The following LYPLAL1 variants were observed in gnomAD, a reference collection of about 807,000 sequenced individuals.
The protein encoded by LYPLAL1 is lysophospholipase like 1.
A neutral mutation model predicts 19.7 loss-of-function variants in LYPLAL1; 23 were observed. The observed-to-expected ratio is 1.17, with a 90% CI of 0.84 to 1.65. LYPLAL1 has a LOEUF of 1.65. LYPLAL1 is among the 40% of genes most tolerant of loss of function. The probability of loss-of-function intolerance (pLI) is 0.00; values close to 1 mark genes in which losing one functional copy is unlikely to be tolerated. For missense variants in LYPLAL1, 355 were observed against 279.4 expected (o/e 1.27, Z -1.93); for synonymous variants, 119 against 96.3 (o/e 1.24, Z -1.38).
chr1:219,175,052 A>G lies in LYPLAL1; in HGVS notation c.91+1071A>G, dbSNP rs184740781. 9.4e-3 allele frequency: 9,266 copies of G among 985,268 alleles called. 49 individuals carry two copies. Among genetic ancestry groups the G allele is most frequent in the South Asian group, 0.021 (456 of 21,268 alleles). 61.0% of individuals were successfully genotyped at this position (985,268 alleles called of 1,614,324 possible). Reference sequence around the variant, plus strand: ...TTAAATGGGACGGTGATTGGAAGGGAATTGGAAAGGTACTGGGCAGAGACC... The same window carrying G: ...TTAAATGGGACGGTGATTGGAAGGGGATTGGAAAGGTACTGGGCAGAGACC... On this transcript the variant is annotated intron_variant, in intron 1 of 4. Transcript: ENST00000366928.
chr1:219,183,543 G>A (rs1233912151), intron 2 of LYPLAL1, among the ~76,000 whole-genome samples: 2 of 152,014 alleles, frequency 1.3e-5, no homozygotes, highest in South Asian at 2.1e-4. Context: ...TTAAGTTGGA[G>A]AATATTCTCA....
intron 3 of LYPLAL1, among the ~76,000 whole-genome samples, chr1:219,196,550 G>A (rs974677831): frequency 6.6e-6 from 1 of 151,988 alleles, no homozygotes; most frequent in African/African-American, 2.4e-5. Context: ...ATACTGAATG[G>A]ACAAAAGCTG....
chr1:219,418,753 T>C, the LYPLAL1 span, among the ~76,000 whole-genome samples: 2 of 152,188 alleles, frequency 1.3e-5, no homozygotes, highest in Non-Finnish European at 2.9e-5. Context: ...TAGTAACATA[T>C]AAAGTAGTTT....
At chr1:219,261,338 C>T in the LYPLAL1 span, among the ~76,000 whole-genome samples, 75 of 152,096 alleles carry the variant, frequency 4.9e-4, 1 homozygote, top group Non-Finnish European at 1.9e-4. Flanking sequence ...GCTCAAGATT[C>T]GTTATCAGTT....
At chr1:219,392,740 A>C in the LYPLAL1 span, among the ~76,000 whole-genome samples, 1 of 152,156 alleles carries the variant, frequency 6.6e-6, no homozygotes, top group African/African-American at 2.4e-5. Context: ...TAGATATTTT[A>C]TTTACCCAGA....
At chr1:219,376,297 G>A in the LYPLAL1 span, among the ~76,000 whole-genome samples, 11 of 152,156 alleles carry the variant, frequency 7.2e-5, no homozygotes, top group Non-Finnish European at 1.5e-4. Flanking sequence ...AAAGAATAAA[G>A]TTGAACCTTT....
At chr1:219,308,532 G>A in the LYPLAL1 span, among the ~76,000 whole-genome samples, 22 of 152,254 alleles carry the variant, frequency 1.4e-4, no homozygotes, top group African/African-American at 4.8e-4. Flanking sequence ...CAGGGCCGAG[G>A]GCCCCCATGC....
chr1:219,390,494 T>C, the LYPLAL1 span, among the ~76,000 whole-genome samples: 1 of 152,160 alleles, frequency 6.6e-6, no homozygotes, highest in Non-Finnish European at 1.5e-5. Context: ...TTCCATAAGA[T>C]TAGCTAGGGA....
the LYPLAL1 span, among the ~76,000 whole-genome samples, chr1:219,395,087 G>A: frequency 0.034 from 5,172 of 152,294 alleles, 287 homozygotes; most frequent in African/African-American, 0.12. Flanking sequence ...GTGAACATAT[G>A]TGTGCATGTG....
chr1:219,174,380 C>A, intron 1 of LYPLAL1: 1 of 837,342 alleles, frequency 1.2e-6, no homozygotes, highest in Non-Finnish European at 1.5e-6. Flanking sequence ...TCGTAATTGC[C>A]CATTGCTTTT....
At chr1:219,206,255 G>A (rs999485128) in intron 3 of LYPLAL1, among the ~76,000 whole-genome samples, 2 of 152,020 alleles carry the variant, frequency 1.3e-5, no homozygotes, top group African/African-American at 4.8e-5. Context: ...AATCTTAAGT[G>A]TATGTTGAAA....
At chr1:219,419,548 A>AACACACACACACACACACACACACAC in the LYPLAL1 span, among the ~76,000 whole-genome samples, 1 of 97,800 alleles carries the variant, frequency 1.0e-5, no homozygotes, top group African/African-American at 3.8e-5. Flanking sequence ...GCCCTAGCCC[A>AACACACACACACACACACACACACAC]ACACACACAC....
chr1:219,201,968 C>T (rs1417189195), intron 3 of LYPLAL1, among the ~76,000 whole-genome samples: 2 of 152,150 alleles, frequency 1.3e-5, no homozygotes, highest in Non-Finnish European at 2.9e-5. Flanking sequence ...TCTAGCTGAA[C>T]CTCTCGTATG....
chr1:219,238,555 G>A, the LYPLAL1 span, among the ~76,000 whole-genome samples: 3 of 151,916 alleles, frequency 2.0e-5, no homozygotes, highest in Non-Finnish European at 4.4e-5. Context: ...ACACCATGTT[G>A]AGGAAAACTT....
At chr1:219,220,197 T>C in the LYPLAL1 span, among the ~76,000 whole-genome samples, 4 of 152,166 alleles carry the variant, frequency 2.6e-5, no homozygotes, top group Non-Finnish European at 5.9e-5. Flanking sequence ...AGAGACCCAT[T>C]ATGCCACCCT....
At chr1:219,205,213 C>T (rs917798722) in intron 3 of LYPLAL1, among the ~76,000 whole-genome samples, 16 of 150,770 alleles carry the variant, frequency 1.1e-4, no homozygotes, top group South Asian at 4.2e-4. Context: ...AAAAATTAGC[C>T]GGGCGCGGTG....
the LYPLAL1 span, among the ~76,000 whole-genome samples, chr1:219,253,797 T>C: frequency 6.6e-6 from 1 of 152,100 alleles, no homozygotes; most frequent in Non-Finnish European, 1.5e-5. Flanking sequence ...CAGATCCATT[T>C]GGTCCAGTGT....
chr1:219,266,814 A>G, the LYPLAL1 span, among the ~76,000 whole-genome samples: 2 of 152,188 alleles, frequency 1.3e-5, no homozygotes, highest in African/African-American at 4.8e-5. Flanking sequence ...GTTGATGGAA[A>G]TGTCATTATG....
the LYPLAL1 span, among the ~76,000 whole-genome samples, chr1:219,393,030 GA>G: frequency 6.6e-6 from 1 of 152,166 alleles, no homozygotes; most frequent in East Asian, 1.9e-4. Context: ...TTCTCTGCTA[GA>G]TATTTTAAGG....
Sources: allele counts gnomAD v4.1 joint callset (sites outside exome capture counted in the v4.1 genomes callset), GRCh38; gene constraint gnomAD v4.1.1; transcripts MANE v1.5; gene names NCBI Gene and HGNC (gene_info 2026-07-23, HGNC 2026-07-21).